The following ZAR1L variants were observed in gnomAD, a reference collection of about 807,000 sequenced individuals.
ZAR1L encodes protein ZAR1-like.
A neutral mutation model predicts 30.0 loss-of-function variants in ZAR1L; 16 were observed. The observed-to-expected ratio is 0.53, with a 90% CI of 0.36 to 0.81. The LOEUF (loss-of-function observed/expected upper bound fraction) is 0.81, where lower values mean the gene tolerates loss of function less well. Ranked by LOEUF, ZAR1L falls within the 30% of genes least tolerant of loss-of-function variation. The pLI is 0.00. For synonymous variants in ZAR1L, 197 were observed against 166.8 expected, an observed-to-expected ratio of 1.18 and a Z score of -1.40; for missense variants, 392 against 417.2, an observed-to-expected ratio of 0.94 and a Z score of 0.53.
intron 5 of ZAR1L, among the ~76,000 whole-genome samples, chr13:32,306,905 T>C (rs571231690): frequency 2.7e-5 from 3 of 110,682 alleles, no homozygotes; most frequent in Non-Finnish European, 3.3e-5. Context: ...CACTCCAGCC[T>C]GGGCAATGGA....
In ZAR1L at chr13:32,305,473, G is replaced by A. The variant is rs967634866; in HGVS notation, c.823-1451C>T. On this transcript the variant is annotated intron_variant, in intron 5 of 5. Coordinates refer to ENST00000533490, the MANE Select transcript of ZAR1L (RefSeq NM_001136571.2). ...GATCTCCTGACCTCGTGATCCACCC[G>A]CCTCGGCCTCCCAAAGTGCTGGGAT... 5.9e-5 allele frequency among the ~76,000 whole-genome samples: 9 copies of A among 151,872 alleles called. No homozygotes were observed. The East Asian group carries it at 7.8e-4, about 13-fold the overall frequency.
At chr13:32,312,899 A>C (rs2072224770) in intron 2 of ZAR1L, among the ~76,000 whole-genome samples, 1 of 151,908 alleles carries the variant, frequency 6.6e-6, no homozygotes, top group Non-Finnish European at 1.5e-5. Flanking sequence ...CAAACAAACA[A>C]AAAACAGGAG....
chr13:32,309,636 C>T (rs929211031), intron 4 of ZAR1L, among the ~76,000 whole-genome samples: 2 of 152,208 alleles, frequency 1.3e-5, no homozygotes, highest in African/African-American at 4.8e-5. Context: ...CCTGTGCTAT[C>T]TCTGCACTGC....
rs187635740 is a variant in ZAR1L, at chr13:32,305,449, A to C, written c.823-1427T>G. 5.2e-4 allele frequency among the ~76,000 whole-genome samples: 79 copies of C among 150,958 alleles called. No homozygotes were observed. The Middle Eastern group carries it at 0.019, about 35-fold the overall frequency. On this transcript the variant is annotated intron_variant, in intron 5 of 5. Coordinates refer to ENST00000533490, the MANE Select transcript of ZAR1L (RefSeq NM_001136571.2). ...CACCATGTTAGCCAGGGTGGTATCG[A>C]TCTCCTGACCTCGTGATCCACCCGC...
rs1428637059 is a variant in ZAR1L at position 32,311,527 on chromosome 13, A to C, written c.399T>G (p.Thr133=). Residue 133 remains threonine (T), a synonymous_variant, in exon 3 of 6, where the codon ACT becomes ACG. Coordinates refer to ENST00000533490, the MANE Select transcript of ZAR1L (RefSeq NM_001136571.2). ...AGCCCCTGCGGCCGGTGGCGGGCGA[A>C]GTGACCCCACAGGCTGGCAGGGGCT... ...PQEPLPACGV[T]SPATGRRGLI... 3.3e-6 allele frequency: 5 copies of C among 1,536,628 alleles called. No individual in the cohort carries two copies. The highest frequency in any genetic ancestry group is 4.4e-6 in the Non-Finnish European group (5 of 1,140,926).
At chr13:32,304,393 C>T (rs1593872014) in intron 5 of ZAR1L, among the ~76,000 whole-genome samples, 1 of 152,162 alleles carries the variant, frequency 6.6e-6, no homozygotes, top group East Asian at 1.9e-4. Context: ...TATAGCGTTT[C>T]TTCACTCTGC....
chr13:32,312,078 G>T lies in ZAR1L; in HGVS notation c.-153C>A. 1 of 889,980 alleles carries T rather than the reference G, an allele frequency of 1.1e-6. No homozygotes were observed. The highest frequency in any genetic ancestry group is 1.7e-6 in the Non-Finnish European group (1 of 605,102). 55.1% of individuals were successfully genotyped at this position (889,980 alleles called of 1,614,324 possible). On this transcript the variant is annotated 5_prime_UTR_variant, in exon 3 of 6. Coordinates refer to ENST00000533490, the MANE Select transcript of ZAR1L (RefSeq NM_001136571.2). Reference sequence around the variant, plus strand: ...CCATTTATTTCAGATTCTAATGGGAGCTGCTGCTTATTACCCTGATTGAGG... The same window carrying T: ...CCATTTATTTCAGATTCTAATGGGATCTGCTGCTTATTACCCTGATTGAGG...
In ZAR1L at chr13:32,311,846, G is replaced by T; in HGVS notation, c.80C>A (p.Ser27Ter). 6.4e-7 allele frequency: 1 copy of T among 1,551,718 alleles called. No homozygotes were observed. Among genetic ancestry groups the T allele is most frequent in the Non-Finnish European group, 8.7e-7 (1 of 1,147,012 alleles). Residue 27 changes from serine (S) to a stop codon, truncating the protein, a stop_gained, in exon 3 of 6, where the codon TCA (serine) becomes TAA (stop). Coordinates refer to ENST00000533490, the MANE Select transcript of ZAR1L (RefSeq NM_001136571.2). LOFTEE classifies it high-confidence loss of function. ...STVPLGQPGL[S>*]GHKQPDWRQN... Reference sequence around the variant, plus strand: ...CCTCCAGTCGGGCTGTTTGTGCCCTGAGAGTCCAGGCTGGCCCAAAGGCAC... The same window carrying T: ...CCTCCAGTCGGGCTGTTTGTGCCCTTAGAGTCCAGGCTGGCCCAAAGGCAC...
In ZAR1L at chr13:32,311,505, C is replaced by A. The variant is rs2072212721; in HGVS notation, c.421G>T (p.Gly141Cys). 3 of 1,541,046 alleles carry A rather than the reference C, an allele frequency of 1.9e-6. No homozygotes were observed. In the East Asian group the frequency reaches 7.4e-5, roughly 38 times the overall value. The change falls in exon 3 of 6, where the codon GGC becomes TGC. Residue 141 changes from glycine to cysteine, a missense_variant. Transcript: ENST00000533490. ...GVTSPATGRR[G>C]LIRLRRDGDE... ...CCATCTCTCCGCAGGCGGATCAAGC[C>A]CCTGCGGCCGGTGGCGGGCGAAGTG...
chr13:32,310,022 T>G (rs1379198281), intron 4 of ZAR1L, among the ~76,000 whole-genome samples: 2 of 152,214 alleles, frequency 1.3e-5, no homozygotes, highest in Non-Finnish European at 2.9e-5. Context: ...TCGGGCCACG[T>G]AGACTGTTGC....
chr13:32,303,856 C>G lies in ZAR1L; in HGVS notation c.*23G>C, dbSNP rs935107272. ...AAGTTACAAGAAGAGCTCAGGGGTC[C>G]ATTACAAGTCACACTGTACAAGTCA... On this transcript the variant is annotated 3_prime_UTR_variant, in exon 6 of 6. Transcript: ENST00000533490. The G allele has an allele frequency of 6.5e-7, 1 of 1,547,524 alleles. No individual in the cohort carries two copies. The highest frequency in any genetic ancestry group is 8.7e-7 in the Non-Finnish European group (1 of 1,144,982).
intron 5 of ZAR1L, among the ~76,000 whole-genome samples, chr13:32,307,177 TAG>T (rs1206492272): frequency 6.6e-6 from 1 of 151,994 alleles, no homozygotes; most frequent in East Asian, 1.9e-4. Context: ...AGGATGTAGT[TAG>T]AGTGTTCTCA....
intron 3 of ZAR1L, 29 bp from the exon 4 acceptor site, chr13:32,310,760 C>T (rs2072206591): frequency 1.4e-6 from 2 of 1,457,208 alleles, no homozygotes; most frequent in South Asian, 1.2e-5. Flanking sequence ...AGTACTTTAC[C>T]ATCATGCAAG....
At chr13:32,307,050 T>C (rs77622788) in intron 5 of ZAR1L, among the ~76,000 whole-genome samples, 55 of 146,096 alleles carry the variant, frequency 3.8e-4, no homozygotes, top group African/African-American at 1.3e-3. Context: ...AACAAGAAGA[T>C]ACAAAGAATA....
At chr13:32,304,490 T>C (rs760967182) in intron 5 of ZAR1L, among the ~76,000 whole-genome samples, 3 of 152,206 alleles carry the variant, frequency 2.0e-5, no homozygotes, top group Non-Finnish European at 4.4e-5. Context: ...GCAGATGTTC[T>C]CAACCAGGGG....
chr13:32,312,134 G>A, intron 2 of ZAR1L, 41 bp from the exon 3 acceptor site: 1 of 566,020 alleles, frequency 1.8e-6, no homozygotes, highest in Non-Finnish European at 3.0e-6. Context: ...ATGTCTAATT[G>A]CCACCTGATT....
rs887881146 is a variant in ZAR1L at position 32,314,311 on chromosome 13, G to A, written c.-169+19C>T. ...ATTATCAAACTAAAATGGTCCCTAA[G>A]GAACCAAGCGGAGCCCACCCTTTTC... is the stretch of plus-strand genomic sequence containing the variant. On this transcript the variant is annotated intron_variant, in intron 2 of 5. Transcript: ENST00000533490. The A allele has an allele frequency of 1.3e-5, 2 of 152,172 alleles. No individual in the cohort carries two copies. Among genetic ancestry groups the A allele is most frequent in the Non-Finnish European group, 2.9e-5 (2 of 68,026 alleles). The allele number at this position is 152,172 out of a possible 1,614,324, so 9.4% of individuals were successfully genotyped here. A position where few individuals can be genotyped will look rare whatever the true frequency, so the allele number is the denominator to read the frequency against.
At chr13:32,308,336 G>A (rs2072190411) in intron 5 of ZAR1L, among the ~76,000 whole-genome samples, 1 of 152,172 alleles carries the variant, frequency 6.6e-6, no homozygotes, top group Non-Finnish European at 1.5e-5. Context: ...CTCCCACAAA[G>A]ATTAGATGAC....
At chr13:32,315,290 G>A (rs1284887036) in intron 1 of ZAR1L, 25 bp downstream of exon 1, 1 of 152,354 alleles carries the variant, frequency 6.6e-6, no homozygotes, top group Admixed American at 6.5e-5. Context: ...GGACTCTTAA[G>A]GGTCAGCGAG....
Sources: allele counts gnomAD v4.1 joint callset (sites outside exome capture counted in the v4.1 genomes callset), GRCh38; gene constraint gnomAD v4.1.1; transcripts MANE v1.5; gene names NCBI Gene and HGNC (gene_info 2026-07-23, HGNC 2026-07-21).